Variants in DPP6 observed in about 807,000 individuals in gnomAD.
DPP6 encodes A-type potassium channel modulatory protein DPP6.
DPP6 carries 69 observed loss-of-function variants against 122.6 expected under a neutral mutation model. That is an observed-to-expected ratio of 0.56 (90% CI 0.46 to 0.69). DPP6 has a LOEUF of 0.69. Among genes scored for constraint, DPP6 ranks in the 30% least tolerant of loss-of-function variants. The pLI, the probability that DPP6 is intolerant of heterozygous loss-of-function variation, is 0.00. For synonymous variants in DPP6, 418 were observed against 433.1 expected (o/e 0.97, Z 0.43); for missense variants, 928 against 1,116.9 (o/e 0.83, Z 2.41).
At chr7:153,992,175 G>A (rs938602949) in intron 1 of DPP6, among the ~76,000 whole-genome samples, 1 of 151,876 alleles carries the variant, frequency 6.6e-6, no homozygotes, top group Non-Finnish European at 1.5e-5. Flanking sequence ...ATTTTGGGGG[G>A]CACATTCAGA....
At chr7:154,648,458 G>A (rs1402230672) in intron 6 of DPP6, among the ~76,000 whole-genome samples, 1 of 152,096 alleles carries the variant, frequency 6.6e-6, no homozygotes, top group Non-Finnish European at 1.5e-5. Context: ...CTGCGCTGGG[G>A]ACATTGGCCT....
chr7:154,292,239 A>AAT (rs780924195), intron 1 of DPP6, among the ~76,000 whole-genome samples: 83 of 151,982 alleles, frequency 5.5e-4, no homozygotes, highest in Non-Finnish European at 7.4e-5. Flanking sequence ...AGGCAAGGAA[A>AAT]ATATATATAT....
chr7:153,765,674 C>T, the DPP6 span, among the ~76,000 whole-genome samples: 161 of 152,180 alleles, frequency 1.1e-3, 7 homozygotes, highest in South Asian at 0.032. Context: ...AAAGGATTCA[C>T]GGCAGAGTTG....
intron 1 of DPP6, among the ~76,000 whole-genome samples, chr7:154,395,375 C>G (rs1252044562): frequency 6.6e-6 from 1 of 152,196 alleles, no homozygotes; most frequent in African/African-American, 2.4e-5. Flanking sequence ...TAAGTCTTCC[C>G]ATCCATGAAC....
intron 5 of DPP6, among the ~76,000 whole-genome samples, chr7:154,575,965 C>T (rs1242500520): frequency 6.6e-6 from 1 of 151,992 alleles, no homozygotes; most frequent in Non-Finnish European, 1.5e-5. Context: ...TTGTCTCATG[C>T]AGGGCTACAA....
At chr7:154,676,454 C>G (rs1838916710) in intron 7 of DPP6, among the ~76,000 whole-genome samples, 1 of 123,092 alleles carries the variant, frequency 8.1e-6, no homozygotes, top group Non-Finnish European at 2.0e-5. Context: ...CCCATGTGAC[C>G]TGCTACACAG....
chr7:154,120,233 T>G (rs2150603804), intron 1 of DPP6, among the ~76,000 whole-genome samples: 1 of 152,006 alleles, frequency 6.6e-6, no homozygotes, highest in East Asian at 1.9e-4. Flanking sequence ...TCTTCCTGCA[T>G]CATTTTCTCT....
chr7:154,536,773 G>A (rs1828292041), intron 3 of DPP6, among the ~76,000 whole-genome samples: 1 of 152,140 alleles, frequency 6.6e-6, no homozygotes. Flanking sequence ...AGTCCCATGT[G>A]ACCCAATGAC....
At chr7:153,931,156 CT>C (rs773527593) in intron 1 of DPP6, among the ~76,000 whole-genome samples, 7 of 152,168 alleles carry the variant, frequency 4.6e-5, no homozygotes, top group Non-Finnish European at 1.0e-4. Context: ...GTACTTGCAG[CT>C]TTCCCATAGA....
intron 1 of DPP6, among the ~76,000 whole-genome samples, chr7:154,380,653 C>T (rs1341214875): frequency 6.6e-6 from 1 of 152,196 alleles, no homozygotes; most frequent in East Asian, 1.9e-4. Context: ...AGACGGGGGA[C>T]ATCCATTCAT....
chr7:154,321,875 T>C lies in DPP6; in HGVS notation c.244-124339T>C, dbSNP rs950579511. On this transcript the variant is annotated intron_variant, in intron 1 of 25. Transcript: ENST00000377770. The stretch of plus-strand genomic sequence containing the variant: ...TGCAGGTAGCGGCCTTAGACCCTTG[T>C]CTAAGGCAAAAGTGGGATTTAGGGA... Among the ~76,000 whole-genome samples, 5 of 151,460 alleles carry C rather than the reference T, an allele frequency of 3.3e-5. No homozygotes were observed. In the East Asian group the frequency reaches 9.7e-4, roughly 30 times the overall value.
intron 3 of DPP6, among the ~76,000 whole-genome samples, chr7:154,531,199 G>GA (rs1189978914): frequency 6.6e-6 from 1 of 151,866 alleles, no homozygotes; most frequent in Non-Finnish European, 1.5e-5. Context: ...AAAGTTGAAG[G>GA]AAAAAAGAGA....
chr7:154,715,613 G>C (rs1841439747), intron 7 of DPP6, among the ~76,000 whole-genome samples: 1 of 152,166 alleles, frequency 6.6e-6, no homozygotes, highest in Non-Finnish European at 1.5e-5. Flanking sequence ...CAAATGTGAG[G>C]AACTTCAGTG....
At chr7:154,676,348 G>A (rs572253074) in intron 7 of DPP6, among the ~76,000 whole-genome samples, 1 of 112,314 alleles carries the variant, frequency 8.9e-6, no homozygotes, top group Admixed American at 9.4e-5. Context: ...GGGGCGTGCT[G>A]TCTGGAGGTC....
intron 1 of DPP6, among the ~76,000 whole-genome samples, chr7:154,436,982 A>T (rs191745049): frequency 9.2e-5 from 14 of 152,298 alleles, no homozygotes; most frequent in African/African-American, 3.4e-4. Flanking sequence ...CTGTGCATGT[A>T]GTCAGAGGTT....
intron 1 of DPP6, among the ~76,000 whole-genome samples, chr7:154,004,450 C>A (rs1236759304): frequency 1.3e-5 from 2 of 151,786 alleles, no homozygotes; most frequent in Non-Finnish European, 2.9e-5. Context: ...ATTGTTAGAT[C>A]AGGCATAATA....
At chr7:154,086,330 G>A (rs895762872) in intron 1 of DPP6, among the ~76,000 whole-genome samples, 2 of 146,472 alleles carry the variant, frequency 1.4e-5, no homozygotes, top group Non-Finnish European at 3.0e-5. Flanking sequence ...TGCCGAGCAG[G>A]GTATAGAGGC....
intron 1 of DPP6, among the ~76,000 whole-genome samples, chr7:154,269,128 A>T (rs72617396): frequency 0.42 from 61,831 of 148,810 alleles, 13,175 homozygotes; most frequent in South Asian, 0.54. Context: ...GATCCAAAAG[A>T]CACTTTGTAT....
At chr7:153,951,553 CT>C (rs1802213466) in intron 1 of DPP6, among the ~76,000 whole-genome samples, 1 of 152,344 alleles carries the variant, frequency 6.6e-6, no homozygotes, top group African/African-American at 2.4e-5. Flanking sequence ...ATCCCTCCCC[CT>C]GGCAGTCGCC....
Sources: allele counts gnomAD v4.1 joint callset (sites outside exome capture counted in the v4.1 genomes callset), GRCh38; gene constraint gnomAD v4.1.1; transcripts MANE v1.5; gene names NCBI Gene and HGNC (gene_info 2026-07-23, HGNC 2026-07-21).